Variants in TIMMDC1 observed in about 807,000 individuals in gnomAD.
The protein encoded by TIMMDC1 is translocase of inner mitochondrial membrane domain containing 1, also known as complex I assembly factor TIMMDC1, mitochondrial.
A neutral mutation model predicts 32.6 loss-of-function variants in TIMMDC1; 25 were observed. The ratio of observed to expected loss-of-function variants is 0.77; its 90% CI spans 0.56 to 1.07. TIMMDC1 has a LOEUF of 1.07. Among genes scored for constraint, TIMMDC1 ranks in the 50% least tolerant of loss-of-function variants. The pLI is 0.00. For missense variants in TIMMDC1, 329 were observed against 349.2 expected (o/e 0.94, Z 0.46); for synonymous variants, 130 against 127.6 (o/e 1.02, Z -0.13).
intron 6 of TIMMDC1, among the ~76,000 whole-genome samples, chr3:119,518,670 A>G (rs1028821530): frequency 1.3e-4 from 20 of 152,228 alleles, no homozygotes; most frequent in African/African-American, 4.8e-4. Context: ...GGCTATGGCC[A>G]TTCTAAGGTC....
chr3:119,500,896 C>T, intron 2 of TIMMDC1, 36 bp downstream of exon 2: 2 of 1,592,446 alleles, frequency 1.3e-6, no homozygotes, highest in Non-Finnish European at 1.7e-6. Flanking sequence ...TTGGGGCACA[C>T]TGACTTAGTA....
chr3:119,501,012 A>G (rs968764213), intron 2 of TIMMDC1, 152 bp downstream of exon 2: 2 of 711,332 alleles, frequency 2.8e-6, no homozygotes, highest in African/African-American at 1.8e-5. Flanking sequence ...TGGAAGTACT[A>G]ATGTTAAAGT....
At chr3:119,517,141 A>C in intron 5 of TIMMDC1, 64 bp from the exon 6 acceptor site, 1 of 968,442 alleles carries the variant, frequency 1.0e-6, no homozygotes, top group Non-Finnish European at 1.7e-6. Context: ...TTAGCAGAGA[A>C]TCTCACATGT....
chr3:119,516,481 T>C (rs2081986012), intron 5 of TIMMDC1, among the ~76,000 whole-genome samples: 1 of 152,242 alleles, frequency 6.6e-6, no homozygotes, highest in Admixed American at 6.5e-5. Flanking sequence ...TGTTACATTT[T>C]CTTTAACCAT....
intron 6 of TIMMDC1, among the ~76,000 whole-genome samples, chr3:119,518,553 C>CAAA (rs112915406): frequency 8.9e-6 from 1 of 112,088 alleles, no homozygotes; most frequent in African/African-American, 2.9e-5. Flanking sequence ...TACTTCATCT[C>CAAA]AAAAAAAAAA....
intron 4 of TIMMDC1, among the ~76,000 whole-genome samples, chr3:119,506,990 A>C (rs2081922965): frequency 6.6e-6 from 1 of 152,138 alleles, no homozygotes. Context: ...AGTTCTCCCT[A>C]GCCATTTTCT....
intron 5 of TIMMDC1, among the ~76,000 whole-genome samples, 169 bp downstream of exon 5, chr3:119,513,888 A>G (rs6808654): frequency 0.15 from 22,900 of 152,212 alleles, 4,508 homozygotes; most frequent in African/African-American, 0.46. Flanking sequence ...TTCTACCCCA[A>G]TAGTTTATCT....
chr3:119,519,811 C>T (rs535028726), intron 6 of TIMMDC1, among the ~76,000 whole-genome samples: 3 of 152,116 alleles, frequency 2.0e-5, no homozygotes, highest in East Asian at 1.9e-4. Context: ...GCAAAATACA[C>T]GTTTTTCTTA....
At chr3:119,507,651 TG>T (rs2081926421) in intron 4 of TIMMDC1, among the ~76,000 whole-genome samples, 1 of 152,240 alleles carries the variant, frequency 6.6e-6, no homozygotes, top group Non-Finnish European at 1.5e-5. Context: ...AGTCTGGTTT[TG>T]GTGCTTACTC....
At chr3:119,506,808 CTT>C (rs769776176) in intron 4 of TIMMDC1, among the ~76,000 whole-genome samples, 11 of 152,206 alleles carry the variant, frequency 7.2e-5, no homozygotes, top group Non-Finnish European at 1.5e-4. Context: ...ATGCGCCACT[CTT>C]TTGCTTTCAC....
At chr3:119,502,592 G>A (rs2081887383) in intron 2 of TIMMDC1, among the ~76,000 whole-genome samples, 1 of 151,278 alleles carries the variant, frequency 6.6e-6, no homozygotes, top group Admixed American at 6.6e-5. Context: ...GGGTCTTCCT[G>A]CCTCAGTGCA....
chr3:119,516,759 G>C (rs1235996219), intron 5 of TIMMDC1, among the ~76,000 whole-genome samples: 1 of 152,138 alleles, frequency 6.6e-6, no homozygotes, highest in Non-Finnish European at 1.5e-5. Flanking sequence ...AAAGCCAGTA[G>C]CATCCCTCCC....
chr3:119,508,649 C>T (rs2081933859), intron 4 of TIMMDC1, among the ~76,000 whole-genome samples: 1 of 152,238 alleles, frequency 6.6e-6, no homozygotes, highest in African/African-American at 2.4e-5. Context: ...CATGAGGGAG[C>T]TCTTGCTCTA....
At chr3:119,507,934 C>A (rs950039283) in intron 4 of TIMMDC1, among the ~76,000 whole-genome samples, 7 of 152,156 alleles carry the variant, frequency 4.6e-5, no homozygotes, top group African/African-American at 1.4e-4. Flanking sequence ...CAGGATACTA[C>A]AGTGGGTTGG....
intron 6 of TIMMDC1, among the ~76,000 whole-genome samples, chr3:119,520,941 C>T (rs528660279): frequency 6.6e-6 from 1 of 152,112 alleles, no homozygotes; most frequent in East Asian, 1.9e-4. Flanking sequence ...ATACACAAAT[C>T]AATAAATGTG....
At chr3:119,503,826 C>G in intron 3 of TIMMDC1, 128 bp from the exon 4 acceptor site, 1 of 854,638 alleles carries the variant, frequency 1.2e-6, no homozygotes, top group South Asian at 1.7e-5. Context: ...TTGAAGGGGC[C>G]TAGGCTAGGA....
At chr3:119,521,036 C>T (rs1000134773) in intron 6 of TIMMDC1, among the ~76,000 whole-genome samples, 1 of 152,106 alleles carries the variant, frequency 6.6e-6, no homozygotes, top group Non-Finnish European at 1.5e-5. Flanking sequence ...ATTGAACACC[C>T]CTTCATGGTA....
At chr3:119,503,770 T>A in intron 3 of TIMMDC1, 150 bp downstream of exon 3, 1 of 812,006 alleles carries the variant, frequency 1.2e-6, no homozygotes, top group Non-Finnish European at 1.9e-6. Context: ...TTTCTCTGTG[T>A]AAAAGACTGG....
chr3:119,502,210 AT>A (rs1470003234), intron 2 of TIMMDC1, among the ~76,000 whole-genome samples: 1 of 151,784 alleles, frequency 6.6e-6, no homozygotes, highest in Non-Finnish European at 1.5e-5. Flanking sequence ...TAATTTTTTT[AT>A]TTTTTTAAAA....
Sources: allele counts gnomAD v4.1 joint callset (sites outside exome capture counted in the v4.1 genomes callset), GRCh38; gene constraint gnomAD v4.1.1; transcripts MANE v1.5; gene names NCBI Gene and HGNC (gene_info 2026-07-23, HGNC 2026-07-21).